Variants in WDPCP observed in about 807,000 individuals in gnomAD.
The protein encoded by WDPCP is WD repeat-containing and planar cell polarity effector protein fritz homolog.
A neutral mutation model predicts 93.1 loss-of-function variants in WDPCP; 71 were observed. That is an observed-to-expected ratio of 0.76 (90% CI 0.63 to 0.93). The LOEUF (loss-of-function observed/expected upper bound fraction) is 0.93. Among genes scored for constraint, WDPCP ranks in the 40% least tolerant of loss-of-function variants. The pLI is 0.00. For synonymous variants in WDPCP, 315 were observed against 315.0 expected (o/e 1.00, Z 0.00); for missense variants, 844 against 887.4 (o/e 0.95, Z 0.62).
intron 14 of WDPCP, among the ~76,000 whole-genome samples, chr2:63,199,125 G>A (rs548839452): frequency 1.1e-4 from 17 of 152,158 alleles, no homozygotes; most frequent in Non-Finnish European, 2.4e-4. Flanking sequence ...TCAAGGTTTG[G>A]CCCAGCTGCT....
chr2:63,271,726 T>C (rs1682671691), intron 13 of WDPCP, among the ~76,000 whole-genome samples: 1 of 152,112 alleles, frequency 6.6e-6, no homozygotes, highest in African/African-American at 2.4e-5. Flanking sequence ...TTTGAGGACG[T>C]GGGGAATCAA....
chr2:63,550,192 AAC>A (rs56155473), intron 1 of WDPCP, among the ~76,000 whole-genome samples: 11,151 of 44,142 alleles, frequency 0.25, 587 homozygotes, highest in Middle Eastern at 0.33. Context: ...CATCTTAAGA[AAC>A]ACACACACAC....
chr2:63,622,674 C>T (rs1430981617), intron 3 of WDPCP: 25 of 1,613,684 alleles, frequency 1.5e-5, no homozygotes, highest in Admixed American at 1.0e-4. Flanking sequence ...CAGGAGTCGC[C>T]GGGACAGCAG....
intron 7 of WDPCP, chr2:63,437,984 C>A: frequency 7.4e-7 from 1 of 1,359,604 alleles, no homozygotes; most frequent in East Asian, 2.7e-5. Context: ...GTGTTCTCTA[C>A]CAGTCTATTT....
At chr2:63,810,539 A>C (rs1670849019) in intron 2 of WDPCP, among the ~76,000 whole-genome samples, 1 of 152,186 alleles carries the variant, frequency 6.6e-6, no homozygotes, top group South Asian at 2.1e-4. Flanking sequence ...AGGGAAAAAG[A>C]ACAGTGGGAG....
intron 2 of WDPCP, among the ~76,000 whole-genome samples, chr2:63,719,624 T>C (rs370898504): frequency 1.3e-5 from 2 of 152,104 alleles, no homozygotes; most frequent in South Asian, 2.1e-4. Context: ...AATAGACGTG[T>C]GGTGGGTGGG....
At chr2:63,807,394 G>A (rs1179956843) in intron 2 of WDPCP, among the ~76,000 whole-genome samples, 1 of 152,102 alleles carries the variant, frequency 6.6e-6, no homozygotes, top group African/African-American at 2.4e-5. Flanking sequence ...TCTCTCTATT[G>A]CTCCCACTCT....
intron 13 of WDPCP, among the ~76,000 whole-genome samples, chr2:63,268,381 A>G (rs762538386): frequency 2.0e-5 from 3 of 152,236 alleles, no homozygotes; most frequent in Non-Finnish European, 4.4e-5. Flanking sequence ...GACCGTAGGA[A>G]TAAGTTTAGT....
At chr2:63,145,718 A>G (rs1219404523) in intron 17 of WDPCP, among the ~76,000 whole-genome samples, 4 of 152,178 alleles carry the variant, frequency 2.6e-5, no homozygotes, top group Non-Finnish European at 4.4e-5. Context: ...TGAATTTTAA[A>G]GTAGTTTTTA....
chr2:63,368,117 T>TAA (rs1691061979), intron 12 of WDPCP, among the ~76,000 whole-genome samples: 2 of 152,094 alleles, frequency 1.3e-5, no homozygotes, highest in Admixed American at 1.3e-4. Flanking sequence ...AATACTTTTT[T>TAA]AGTTACACAT....
chr2:63,537,436 A>C (rs1415604090), intron 1 of WDPCP, among the ~76,000 whole-genome samples: 3 of 152,198 alleles, frequency 2.0e-5, no homozygotes. Flanking sequence ...TTCTCTGAAA[A>C]GCCTTAATGA....
chr2:63,337,411 A>G (rs1333868628), intron 12 of WDPCP, among the ~76,000 whole-genome samples: 1 of 152,180 alleles, frequency 6.6e-6, no homozygotes, highest in Non-Finnish European at 1.5e-5. Flanking sequence ...GGTTGCTTCC[A>G]TATTTTGGCT....
chr2:63,169,864 A>C (rs1371815180), intron 15 of WDPCP, among the ~76,000 whole-genome samples: 2 of 148,328 alleles, frequency 1.3e-5, no homozygotes, highest in East Asian at 2.0e-4. Flanking sequence ...GGATAATATT[A>C]TGCTTTTTAT....
rs200529046 is a variant in WDPCP at position 63,309,830 on chromosome 2, T to C, written c.1812+3418A>G. Among the ~76,000 whole-genome samples the C allele has an allele frequency of 4.6e-5, 7 of 151,770 alleles. 1 individual carries two copies. In the East Asian group the frequency reaches 7.7e-4, roughly 17 times the overall value. On this transcript the variant is annotated intron_variant, in intron 13 of 17. Transcript: ENST00000272321. ...CCCCAGTTTCTGGAAATCATGTAAATAACACACTCAGACAACTAATGGATT... is the reference window on the plus strand; with the variant it reads ...CCCCAGTTTCTGGAAATCATGTAAACAACACACTCAGACAACTAATGGATT...
At chr2:63,348,425 C>T (rs1170518181) in intron 12 of WDPCP, among the ~76,000 whole-genome samples, 3 of 152,150 alleles carry the variant, frequency 2.0e-5, no homozygotes, top group African/African-American at 7.2e-5. Context: ...AGTAGAGGGG[C>T]TATTCTTAAT....
intron 1 of WDPCP, among the ~76,000 whole-genome samples, chr2:63,493,498 T>C (rs1275975695): frequency 1.3e-5 from 2 of 151,810 alleles, no homozygotes; most frequent in Non-Finnish European, 2.9e-5. Context: ...GCATTCAACT[T>C]AGTATGTTAA....
intron 6 of WDPCP, chr2:63,441,764 G>C (rs1485643541): frequency 6.6e-6 from 1 of 152,054 alleles, no homozygotes; most frequent in African/African-American, 2.4e-5. Context: ...TGCTTCACAG[G>C]AAAACTATTC....
chr2:63,634,001 G>A (rs1195681498), intron 3 of WDPCP, among the ~76,000 whole-genome samples: 2 of 152,056 alleles, frequency 1.3e-5, no homozygotes, highest in African/African-American at 4.8e-5. Context: ...GGTGGAGGTT[G>A]CAGTGAGCTG....
chr2:63,812,922 A>G (rs1558917196), intron 2 of WDPCP, among the ~76,000 whole-genome samples: 3 of 151,778 alleles, frequency 2.0e-5, no homozygotes, highest in Non-Finnish European at 4.4e-5. Context: ...CTGGTGCCCA[A>G]GCTGGAGTGC....
Sources: allele counts gnomAD v4.1 joint callset (sites outside exome capture counted in the v4.1 genomes callset), GRCh38; gene constraint gnomAD v4.1.1; transcripts MANE v1.5; gene names NCBI Gene and HGNC (gene_info 2026-07-23, HGNC 2026-07-21).